The following DLG2 variants were observed in gnomAD, a reference collection of about 807,000 sequenced individuals.
The protein encoded by DLG2 is disks large homolog 2.
DLG2 carries 45 observed loss-of-function variants against 132.5 expected under a neutral mutation model. The ratio of observed to expected loss-of-function variants is 0.34; its 90% CI spans 0.27 to 0.44. The LOEUF is 0.44. Among genes scored for constraint, DLG2 ranks in the 20% least tolerant of loss-of-function variants. DLG2 has a pLI of 1.00. For missense variants in DLG2, 1,045 were observed against 1,196.9 expected, an observed-to-expected ratio of 0.87 and a Z score of 1.87; for synonymous variants, 424 against 419.6, an observed-to-expected ratio of 1.01 and a Z score of -0.13.
chr11:84,625,909 A>T (rs2099621730), intron 6 of DLG2, among the ~76,000 whole-genome samples: 1 of 152,190 alleles, frequency 6.6e-6, no homozygotes, highest in Non-Finnish European at 1.5e-5. Context: ...TTTCTCTTAA[A>T]TTTTAAATGT....
At chr11:83,593,634 T>G (rs1343130175) in intron 19 of DLG2, among the ~76,000 whole-genome samples, 1 of 145,978 alleles carries the variant, frequency 6.9e-6, no homozygotes, top group Non-Finnish European at 1.5e-5. Context: ...CCCTAAAACT[T>G]AAAGTATAAT....
intron 6 of DLG2, among the ~76,000 whole-genome samples, chr11:85,093,078 G>A (rs1324719933): frequency 6.6e-6 from 1 of 152,154 alleles, no homozygotes; most frequent in African/African-American, 2.4e-5. Flanking sequence ...ATTTTCGACT[G>A]TGGGGTGAGT....
chr11:85,054,274 A>C (rs1190677368), intron 6 of DLG2, among the ~76,000 whole-genome samples: 1 of 151,962 alleles, frequency 6.6e-6, no homozygotes, highest in Non-Finnish European at 1.5e-5. Context: ...AAAAAAAAAA[A>C]AAGAAAGAAA....
At chr11:85,294,244 T>C (rs796256110) in intron 3 of DLG2, among the ~76,000 whole-genome samples, 2 of 152,260 alleles carry the variant, frequency 1.3e-5, no homozygotes, top group African/African-American at 4.8e-5. Flanking sequence ...ATAACTTTTC[T>C]GTATATTTGA....
intron 7 of DLG2, among the ~76,000 whole-genome samples, chr11:84,378,658 C>T (rs1199785260): frequency 6.6e-6 from 1 of 151,702 alleles, no homozygotes; most frequent in Non-Finnish European, 1.5e-5. Context: ...AGGCCAGGCG[C>T]GGTGGCTCAC....
At chr11:84,410,804 T>C (rs1373097583) in intron 7 of DLG2, among the ~76,000 whole-genome samples, 1 of 152,098 alleles carries the variant, frequency 6.6e-6, no homozygotes, top group Non-Finnish European at 1.5e-5. Flanking sequence ...GGTCTCGATC[T>C]GCTGATCTCA....
At position 85,058,183 on chromosome 11, in the gene DLG2, T is replaced by A. The variant is rs374974463; in HGVS notation, c.357+53478A>T. Among the ~76,000 whole-genome samples the A allele has an allele frequency of 1.2e-3, 182 of 151,612 alleles. 3 individuals carry two copies. In the South Asian group the frequency reaches 0.018, roughly 15 times the overall value. ...ATCTATAGACGAAGCATTAGAAATG[T>A]AAGTGAATTTAGCAAGTTGTCTACA... On this transcript the variant is annotated intron_variant, in intron 6 of 27. Transcript: ENST00000376104.
intron 8 of DLG2, among the ~76,000 whole-genome samples, chr11:84,225,308 T>A (rs560707227): frequency 2.0e-5 from 3 of 152,334 alleles, no homozygotes; most frequent in East Asian, 3.9e-4. Context: ...CAAACATGCA[T>A]ATCACACACA....
chr11:84,152,599 G>A (rs2095327374), intron 9 of DLG2, among the ~76,000 whole-genome samples: 3 of 152,002 alleles, frequency 2.0e-5, no homozygotes, highest in Admixed American at 2.0e-4. Flanking sequence ...TGTTAGCCAG[G>A]ATGGTCTCGA....
chr11:84,125,942 T>C (rs2094149086), intron 9 of DLG2, among the ~76,000 whole-genome samples: 1 of 152,242 alleles, frequency 6.6e-6, no homozygotes. Context: ...GAAATCAAGA[T>C]ACCTTTGATT....
At chr11:85,000,469 G>C (rs2058109476) in intron 6 of DLG2, among the ~76,000 whole-genome samples, 1 of 152,138 alleles carries the variant, frequency 6.6e-6, no homozygotes, top group African/African-American at 2.4e-5. Context: ...TATTGGGAAA[G>C]TCAGTTAATA....
intron 18 of DLG2, among the ~76,000 whole-genome samples, chr11:83,640,072 T>C (rs1449102605): frequency 6.6e-6 from 1 of 152,214 alleles, no homozygotes; most frequent in African/African-American, 2.4e-5. Flanking sequence ...TCTTTCTATT[T>C]GTTCATTATA....
At chr11:83,898,537 T>C (rs559284305) in intron 15 of DLG2, among the ~76,000 whole-genome samples, 83 of 152,250 alleles carry the variant, frequency 5.5e-4, no homozygotes, top group Non-Finnish European at 9.4e-4. Context: ...CTAGTATTGA[T>C]CAAATACATT....
At chr11:83,673,844 GTTA>G (rs2077253615) in intron 18 of DLG2, among the ~76,000 whole-genome samples, 1 of 152,180 alleles carries the variant, frequency 6.6e-6, no homozygotes, top group South Asian at 2.1e-4. Context: ...GGAGAATTTT[GTTA>G]TTATTTGTTA....
chr11:84,066,530 C>T (rs1327711649), intron 10 of DLG2, among the ~76,000 whole-genome samples: 3 of 152,070 alleles, frequency 2.0e-5, no homozygotes, highest in Non-Finnish European at 4.4e-5. Flanking sequence ...GAGGCTGAGA[C>T]GGGTGGATCA....
intron 4 of DLG2, among the ~76,000 whole-genome samples, chr11:85,237,746 G>T (rs1296271804): frequency 6.6e-6 from 1 of 151,954 alleles, no homozygotes. Context: ...GACAAAACAG[G>T]CTCTTAAAAG....
At chr11:85,599,642 T>C (rs1286179111) in intron 2 of DLG2, among the ~76,000 whole-genome samples, 1 of 152,122 alleles carries the variant, frequency 6.6e-6, no homozygotes, top group African/African-American at 2.4e-5. Context: ...ACACAGAAAA[T>C]AATCAAGTAA....
chr11:84,493,090 C>T (rs946841815), intron 7 of DLG2, among the ~76,000 whole-genome samples: 6 of 152,002 alleles, frequency 3.9e-5, no homozygotes, highest in East Asian at 1.9e-4. Flanking sequence ...TTTACAGTCA[C>T]GTTTCCTTTT....
Position 85,586,020 on chromosome 11 carries a change from A to G in DLG2, c.40+12637T>C, listed in dbSNP as rs554678565. On this transcript the variant is annotated intron_variant, in intron 3 of 27. Coordinates refer to ENST00000376104, the MANE Select transcript of DLG2 (RefSeq NM_001142699.3). Reference sequence around the variant, plus strand: ...GCGTGAGCCTCCACACCCAACCTGTATCACATTTATTGACTTGCAGATGTT... The same window carrying G: ...GCGTGAGCCTCCACACCCAACCTGTGTCACATTTATTGACTTGCAGATGTT... Among the ~76,000 whole-genome samples the G allele has an allele frequency of 7.9e-5, 12 of 152,296 alleles. 1 individual carries two copies. Among genetic ancestry groups the G allele is most frequent in the African/African-American group, 2.9e-4 (12 of 41,564 alleles).
Sources: gnomAD v4.1 joint callset for allele counts (sites outside exome capture counted in the v4.1 genomes callset) on GRCh38, gnomAD v4.1.1 for gene constraint, MANE v1.5 for transcripts, NCBI Gene and HGNC (gene_info 2026-07-23, HGNC 2026-07-21) for gene names.